Variants in SAP130 observed in about 807,000 individuals in gnomAD.
SAP130 encodes histone deacetylase complex subunit SAP130.
SAP130 carries 16 observed loss-of-function variants against 103.2 expected under a neutral mutation model. The ratio of observed to expected loss-of-function variants is 0.16; its 90% CI spans 0.10 to 0.24. SAP130 has a LOEUF of 0.24. Among genes scored for constraint, SAP130 ranks in the 10% least tolerant of loss-of-function variants. SAP130 has a pLI of 1.00. For missense variants in SAP130, 990 were observed against 1,359.7 expected (o/e 0.73, Z 4.28); for synonymous variants, 477 against 497.0 (o/e 0.96, Z 0.53).
chr2:128,016,083 C>G (rs541752596), intron 4 of SAP130, among the ~76,000 whole-genome samples: 1 of 151,918 alleles, frequency 6.6e-6, no homozygotes, highest in African/African-American at 2.4e-5. Flanking sequence ...AAACCAAACA[C>G]GAACCGGACT....
At chr2:127,995,819 AAC>A (rs1301189659) in intron 11 of SAP130, among the ~76,000 whole-genome samples, 3 of 152,214 alleles carry the variant, frequency 2.0e-5, no homozygotes, top group Non-Finnish European at 4.4e-5. Flanking sequence ...ATACGGGAAA[AAC>A]AGACAGCATG....
chr2:128,004,768 G>A (rs1683840817), intron 7 of SAP130, among the ~76,000 whole-genome samples: 2 of 152,150 alleles, frequency 1.3e-5, no homozygotes, highest in Admixed American at 6.5e-5. Flanking sequence ...GGGAAGAGAG[G>A]CTTTGCCATT....
At chr2:128,004,818 C>T (rs939334530) in intron 7 of SAP130, among the ~76,000 whole-genome samples, 2 of 152,028 alleles carry the variant, frequency 1.3e-5, no homozygotes, top group Admixed American at 6.6e-5. Flanking sequence ...GAAGTAATGG[C>T]CAACAAAATT....
At chr2:127,966,412 C>T (rs1416579527) in intron 15 of SAP130, among the ~76,000 whole-genome samples, 2 of 151,254 alleles carry the variant, frequency 1.3e-5, no homozygotes, top group Non-Finnish European at 3.0e-5. Context: ...TTATAAAGGA[C>T]CCTCTGTGGG....
intron 18 of SAP130, among the ~76,000 whole-genome samples, chr2:127,946,300 A>G (rs1679072507): frequency 6.6e-6 from 1 of 152,190 alleles, no homozygotes; most frequent in South Asian, 2.1e-4. Context: ...TGAACTAATG[A>G]AGATATAGCC....
At chr2:128,005,564 G>A (rs987264115) in intron 7 of SAP130, among the ~76,000 whole-genome samples, 15 of 151,752 alleles carry the variant, frequency 9.9e-5, no homozygotes, top group African/African-American at 3.6e-4. Context: ...GCAGTGAGCT[G>A]AGACCGCGCC....
chr2:128,001,872 T>C (rs568585181), intron 7 of SAP130, among the ~76,000 whole-genome samples: 3 of 152,060 alleles, frequency 2.0e-5, no homozygotes, highest in African/African-American at 4.8e-5. Flanking sequence ...AAAACTGTAA[T>C]GTTAAATTTC....
At chr2:127,948,241 G>C (rs915918355) in intron 18 of SAP130, among the ~76,000 whole-genome samples, 3 of 151,528 alleles carry the variant, frequency 2.0e-5, no homozygotes, top group Non-Finnish European at 1.5e-5. Flanking sequence ...TTACATTTAT[G>C]ACAATAACTA....
chr2:127,942,414 G>T lies in SAP130; in HGVS notation c.3015+10C>A. ...AGTAGATGATCAGAAGGGAAGGGGC[G>T]CACTCAAACCTGTATCAGTTCGTTT... On this transcript the variant is annotated intron_variant, in intron 20 of 20. Transcript: ENST00000643581. This position sits in a 1 kb window ranked among gnomAD's most constrained non-coding sequence, Gnocchi z 4.8. 1 of 1,567,412 alleles carries T rather than the reference G, an allele frequency of 6.4e-7. No homozygotes were observed. Among genetic ancestry groups the T allele is most frequent in the Non-Finnish European group, 8.8e-7 (1 of 1,137,484 alleles).
At chr2:128,027,673 C>T (rs1573878556) in intron 1 of SAP130, among the ~76,000 whole-genome samples, 1 of 150,278 alleles carries the variant, frequency 6.7e-6, no homozygotes, top group East Asian at 2.0e-4. Flanking sequence ...TGCTTCCCCG[C>T]CAAGGCCCAC....
chr2:128,013,623 T>A (rs1684556104), intron 5 of SAP130, among the ~76,000 whole-genome samples: 2 of 152,212 alleles, frequency 1.3e-5, no homozygotes, highest in African/African-American at 4.8e-5. Context: ...ACTGCTGAGT[T>A]ATGCTATAAC....
At chr2:127,999,165 G>T (rs1175870795) in intron 10 of SAP130, among the ~76,000 whole-genome samples, 1 of 152,076 alleles carries the variant, frequency 6.6e-6, no homozygotes, top group African/African-American at 2.4e-5. Flanking sequence ...CCTACTTAAG[G>T]GCTGGTGTAG....
intron 10 of SAP130, among the ~76,000 whole-genome samples, chr2:127,998,239 G>A (rs1683308882): frequency 6.6e-6 from 1 of 152,120 alleles, no homozygotes; most frequent in Admixed American, 6.5e-5. Flanking sequence ...TGAATGATGT[G>A]ATCACCAGAT....
intron 2 of SAP130, among the ~76,000 whole-genome samples, chr2:128,022,673 T>C (rs973086004): frequency 2.6e-5 from 4 of 152,234 alleles, no homozygotes; most frequent in Non-Finnish European, 5.9e-5. Flanking sequence ...CAGTAGTTTC[T>C]CACAGTGGTT....
chr2:127,959,858 C>T (rs1680113488), intron 15 of SAP130, among the ~76,000 whole-genome samples: 1 of 151,846 alleles, frequency 6.6e-6, no homozygotes. Context: ...AATTTTGGAA[C>T]CAAATAGAAA....
At chr2:128,008,502 C>A (rs930627166) in intron 7 of SAP130, among the ~76,000 whole-genome samples, 1 of 150,298 alleles carries the variant, frequency 6.7e-6, no homozygotes, top group Non-Finnish European at 1.5e-5. Context: ...GTACCTAGGG[C>A]TATAGGTACA....
intron 7 of SAP130, among the ~76,000 whole-genome samples, chr2:128,008,092 G>A (rs1223475418): frequency 1.3e-5 from 2 of 152,104 alleles, no homozygotes; most frequent in African/African-American, 4.8e-5. Flanking sequence ...TCCTAGTGGT[G>A]CCCCGCCAGC....
intron 15 of SAP130, among the ~76,000 whole-genome samples, chr2:127,970,955 CTCT>C (rs1681044373): frequency 6.6e-6 from 1 of 151,816 alleles, no homozygotes; most frequent in Non-Finnish European, 1.5e-5. Flanking sequence ...TTATCTTTCT[CTCT>C]TTTTTTTTTT....
Position 127,950,417 on chromosome 2 carries a change from G to A in SAP130, c.2423-9C>T, listed in dbSNP as rs1184367172. 2 of 1,613,980 alleles carry A rather than the reference G, an allele frequency of 1.2e-6. No homozygotes were observed. The highest frequency in any genetic ancestry group is 1.7e-6 in the Non-Finnish European group (2 of 1,179,876). On this transcript the variant is annotated splice_polypyrimidine_tract_variant and intron_variant, in intron 16 of 20. Coordinates refer to ENST00000643581, the MANE Select transcript of SAP130 (RefSeq NM_001330301.2). ...AGCCAGTGGAGGAACTGCTGTCATA[G>A]GAAAAGGAGCACACATATCTGTAAG...
Sources: gnomAD v4.1 joint callset for allele counts (sites outside exome capture counted in the v4.1 genomes callset) on GRCh38, gnomAD v4.1.1 for gene constraint, Gnocchi (gnomAD v3.1) non-coding constraint, MANE v1.5 for transcripts, NCBI Gene and HGNC (gene_info 2026-07-23, HGNC 2026-07-21) for gene names.